Variants in PPARG observed in about 807,000 individuals in gnomAD.
PPARG encodes the protein peroxisome proliferator-activated receptor gamma.
Under a neutral mutation model 39.2 loss-of-function variants are expected in PPARG, and 17 were observed. The observed-to-expected ratio is 0.43, with a 90% CI of 0.30 to 0.65. PPARG has a LOEUF of 0.65. Ranked by LOEUF, PPARG falls within the 30% of genes least tolerant of loss-of-function variation. The pLI is 0.13. For synonymous variants in PPARG, 223 were observed against 215.7 expected (o/e 1.03, Z -0.30); for missense variants, 406 against 585.9 (o/e 0.69, Z 3.17).
At chr3:12,417,200 G>T in intron 7 of PPARG, 46 bp downstream of exon 7, 1 of 1,589,332 alleles carries the variant, frequency 6.3e-7, no homozygotes. Context: ...TGGGATGATG[G>T]TGGGGTGGCC....
At chr3:12,299,604 A>G (rs936290644) in intron 1 of PPARG, among the ~76,000 whole-genome samples, 5 of 152,242 alleles carry the variant, frequency 3.3e-5, no homozygotes, top group African/African-American at 1.2e-4. Flanking sequence ...TTGAAAATCC[A>G]AATGACAAGA....
Position 12,417,076 on chromosome 3 carries a change from T to A in PPARG, c.1102T>A (p.Phe368Ile). 1 of 1,613,512 alleles carries A rather than the reference T, an allele frequency of 6.2e-7. No homozygotes were observed. Among genetic ancestry groups the A allele is most frequent in the Non-Finnish European group, 8.5e-7 (1 of 1,179,596 alleles). The change falls in exon 7 of 8, where the codon TTT (phenylalanine) becomes ATT (isoleucine). Residue 368 changes from phenylalanine to isoleucine, a missense_variant. Physicochemically the swap from Phe to Ile is conservative, Grantham distance 21. Around this residue, in one of 2 missense-constraint regions of PPARG, gnomAD observed 275 missense variants for 458.0 expected, o/e 0.60. Transcript: ENST00000651735. The part of the protein sequence containing the change: ...FGDFMEPKFE[F>I]AVKFNALELD... ...TGACTTTATGGAGCCCAAGTTTGAG[T>A]TTGCTGTGAAGTTCAATGCACTGGA...
At position 12,406,059 on chromosome 3, in the gene PPARG, C is replaced by T; in HGVS notation, c.707C>T (p.Thr236Ile). ...LTKAKARAIL[T>I]GKTTDKSPFV... is the part of the protein sequence containing the mutation. ...AAAGCAAAGGCGAGGGCGATCTTGA[C>T]AGGAAAGACAACAGACAAATCAGTT... is the stretch of plus-strand genomic sequence containing the variant. The change falls in exon 6 of 8, where the codon ACA becomes ATA. Residue 236 changes from threonine to isoleucine, a missense_variant. Thr to Ile is a moderately conservative substitution (Grantham distance 89). This residue lies in a region of PPARG where 275 missense variants were observed against 458.0 expected (regional missense o/e 0.60). Transcript: ENST00000651735. 1 of 1,614,098 alleles carries T rather than the reference C, an allele frequency of 6.2e-7. No individual in the cohort carries two copies. The highest frequency in any genetic ancestry group is 8.5e-7 in the Non-Finnish European group (1 of 1,179,990).
At chr3:12,426,097 A>G (rs1328581691) in intron 7 of PPARG, among the ~76,000 whole-genome samples, 1 of 152,184 alleles carries the variant, frequency 6.6e-6, no homozygotes, top group Non-Finnish European at 1.5e-5. Context: ...TGTAATCGCT[A>G]TTTAATGGGC....
At chr3:12,369,191 A>G (rs1317565776) in intron 2 of PPARG, among the ~76,000 whole-genome samples, 1 of 152,174 alleles carries the variant, frequency 6.6e-6, no homozygotes, top group East Asian at 1.9e-4. Context: ...TATCTCTAGA[A>G]TAACATACTT....
At chr3:12,322,132 T>C (rs1371257083) in intron 2 of PPARG, among the ~76,000 whole-genome samples, 21 of 152,244 alleles carry the variant, frequency 1.4e-4, no homozygotes, top group Non-Finnish European at 1.5e-5. Flanking sequence ...TTGCAGATAC[T>C]GAAAAGGAAT....
intron 1 of PPARG, among the ~76,000 whole-genome samples, chr3:12,295,821 G>C (rs1422418811): frequency 2.0e-5 from 3 of 152,012 alleles, no homozygotes; most frequent in African/African-American, 4.8e-5. Flanking sequence ...GGCAAAGAAG[G>C]CTCAAATTTG....
intron 6 of PPARG, chr3:12,406,822 T>C (rs2050691039): frequency 6.6e-6 from 1 of 152,196 alleles, no homozygotes; most frequent in South Asian, 2.1e-4. Flanking sequence ...TATGTTACCT[T>C]TCTTTCCTTG....
intron 2 of PPARG, among the ~76,000 whole-genome samples, chr3:12,378,011 GAAAAGGTACTC>G (rs2125165838): frequency 6.6e-6 from 1 of 152,260 alleles, no homozygotes; most frequent in East Asian, 1.9e-4. Flanking sequence ...ACAGATATAT[GAAAAGGTACTC>G]ACCATCACTA....
chr3:12,358,180 T>A (rs1216466615), intron 2 of PPARG, among the ~76,000 whole-genome samples: 7 of 152,216 alleles, frequency 4.6e-5, no homozygotes, highest in African/African-American at 1.7e-4. Flanking sequence ...AATTTAAACA[T>A]CATTTGTTTG....
chr3:12,359,053 G>A (rs992709477), intron 2 of PPARG, among the ~76,000 whole-genome samples: 2 of 152,132 alleles, frequency 1.3e-5, no homozygotes, highest in Admixed American at 1.3e-4. Context: ...GGACATGTTA[G>A]TATCTTTCTT....
chr3:12,389,477 A>G (rs1027439847), intron 4 of PPARG, among the ~76,000 whole-genome samples: 1 of 152,236 alleles, frequency 6.6e-6, no homozygotes, highest in African/African-American at 2.4e-5. Context: ...AACCAAAGAG[A>G]AAAGGTAGAT....
intron 1 of PPARG, among the ~76,000 whole-genome samples, chr3:12,308,010 A>T (rs2047119905): frequency 6.6e-6 from 1 of 152,110 alleles, no homozygotes; most frequent in Non-Finnish European, 1.5e-5. Context: ...GAGAACACAA[A>T]ATAGAAAAGC....
At chr3:12,381,665 G>A (rs961763180) in intron 4 of PPARG, among the ~76,000 whole-genome samples, 174 bp downstream of exon 4, 2 of 152,022 alleles carry the variant, frequency 1.3e-5, no homozygotes, top group Admixed American at 1.3e-4. Flanking sequence ...GCAGCCTTGA[G>A]CTTCTGGGCT....
intron 1 of PPARG, among the ~76,000 whole-genome samples, chr3:12,308,266 C>G (rs1471943033): frequency 6.9e-5 from 10 of 145,862 alleles, no homozygotes. Context: ...ATCACTTGAG[C>G]CTGGGTGGTT....
intron 2 of PPARG, among the ~76,000 whole-genome samples, chr3:12,337,531 G>GA (rs2048048255): frequency 1.3e-5 from 2 of 152,148 alleles, no homozygotes; most frequent in African/African-American, 4.8e-5. Flanking sequence ...AGAGCTCAAA[G>GA]AAAATCTTAG....
At chr3:12,320,977 A>C (rs1416876645) in intron 2 of PPARG, among the ~76,000 whole-genome samples, 2 of 152,232 alleles carry the variant, frequency 1.3e-5, no homozygotes, top group Non-Finnish European at 2.9e-5. Context: ...TATCTTTTTA[A>C]TATTTTTGTT....
intron 4 of PPARG, among the ~76,000 whole-genome samples, chr3:12,389,927 G>C (rs533021726): frequency 1.3e-5 from 2 of 152,098 alleles, no homozygotes; most frequent in East Asian, 3.9e-4. Context: ...CAAAAAGAGT[G>C]AAATGAAATA....
chr3:12,349,708 C>T (rs6802898), intron 2 of PPARG, among the ~76,000 whole-genome samples: 38,956 of 152,024 alleles, frequency 0.26, 8,355 homozygotes, highest in African/African-American at 0.59. Context: ...GACAGGTTTT[C>T]GCTTTCAAGT....
Sources: allele counts gnomAD v4.1 joint callset (sites outside exome capture counted in the v4.1 genomes callset), GRCh38; gene constraint gnomAD v4.1.1; regional missense constraint gnomAD v4.1.1; transcripts MANE v1.5; gene names NCBI Gene and HGNC (gene_info 2026-07-23, HGNC 2026-07-21).